Variants in WAC observed in about 807,000 individuals in gnomAD.
WAC encodes WW domain containing adaptor with coiled-coil.
Under a neutral mutation model 79.6 loss-of-function variants are expected in WAC, and 11 were observed. The observed-to-expected ratio is 0.14, with a 90% CI of 0.09 to 0.23. The LOEUF is 0.23. Ranked by LOEUF, WAC falls within the 10% of genes least tolerant of loss-of-function variation. The probability of loss-of-function intolerance (pLI) is 1.00; values close to 1 mark genes in which losing one functional copy is unlikely to be tolerated. For missense variants in WAC, 728 were observed against 773.5 expected (o/e 0.94, Z 0.70); for synonymous variants, 304 against 276.9 (o/e 1.10, Z -0.97).
intron 7 of WAC, among the ~76,000 whole-genome samples, chr10:28,599,523 A>G (rs542194419): frequency 1.1e-4 from 17 of 152,206 alleles, no homozygotes; most frequent in Non-Finnish European, 1.5e-5. Flanking sequence ...TTTGTTGTAG[A>G]TGGATGCTAC....
At chr10:28,612,037 T>A in intron 10 of WAC, 115 bp downstream of exon 10, 1 of 1,281,346 alleles carries the variant, frequency 7.8e-7, no homozygotes, top group Non-Finnish European at 1.1e-6. Flanking sequence ...AGTGGTGGAA[T>A]GAATGACAGG....
chr10:28,533,758 C>T, intron 1 of WAC, 138 bp downstream of exon 1: 9 of 1,073,576 alleles, frequency 8.4e-6, no homozygotes, highest in African/African-American at 1.7e-5. Context: ...GGAGGAGCGG[C>T]CGCGCGGGCG....
intron 3 of WAC, among the ~76,000 whole-genome samples, chr10:28,557,669 G>A (rs1220961089): frequency 6.6e-6 from 1 of 152,116 alleles, no homozygotes; most frequent in East Asian, 1.9e-4. Context: ...ACTCCAGCCT[G>A]GGAGACAGAA....
chr10:28,545,656 G>A (rs533358237), intron 3 of WAC, among the ~76,000 whole-genome samples: 1 of 152,306 alleles, frequency 6.6e-6, no homozygotes, highest in Non-Finnish European at 1.5e-5. Context: ...GGCAAATTGT[G>A]TAATGTGTTC....
chr10:28,583,085 T>C (rs1839622854), intron 3 of WAC, among the ~76,000 whole-genome samples: 1 of 152,124 alleles, frequency 6.6e-6, no homozygotes, highest in African/African-American at 2.4e-5. Context: ...TTTTGTCCAG[T>C]AAAACTTTAA....
chr10:28,551,784 T>TTTGTGTGTGTGTG (rs3222049), intron 3 of WAC, among the ~76,000 whole-genome samples: 4 of 124,814 alleles, frequency 3.2e-5, no homozygotes, highest in Admixed American at 9.1e-5. Context: ...TCCTGTCTAC[T>TTTGTGTGTGTGTG]TGTGTGTGTG....
chr10:28,583,552 CAAAAA>C, intron 4 of WAC, 47 bp downstream of exon 4: 20 of 827,352 alleles, frequency 2.4e-5, no homozygotes, highest in South Asian at 1.2e-4. Context: ...GAATTTTTTG[CAAAAA>C]AAAAAAAAAA....
intron 7 of WAC, among the ~76,000 whole-genome samples, chr10:28,599,729 A>G (rs778812542): frequency 1.3e-5 from 2 of 152,232 alleles, no homozygotes; most frequent in Non-Finnish European, 2.9e-5. Context: ...CTGCATGAGT[A>G]GTCAGAACGG....
At chr10:28,561,277 A>G (rs1022533973) in intron 3 of WAC, among the ~76,000 whole-genome samples, 1 of 152,218 alleles carries the variant, frequency 6.6e-6, no homozygotes, top group Non-Finnish European at 1.5e-5. Flanking sequence ...AGCTCTCCAG[A>G]ACTGGGTACT....
chr10:28,542,425 G>A (rs1271660067), intron 3 of WAC, among the ~76,000 whole-genome samples: 5 of 152,220 alleles, frequency 3.3e-5, no homozygotes, highest in Non-Finnish European at 7.3e-5. Flanking sequence ...TAGGAGCACA[G>A]TAACCAAAAA....
chr10:28,556,184 G>T (rs971868718), intron 3 of WAC, among the ~76,000 whole-genome samples: 7 of 151,912 alleles, frequency 4.6e-5, no homozygotes, highest in Non-Finnish European at 1.0e-4. Context: ...TCCACCAATA[G>T]TGTACAAAGG....
chr10:28,594,620 T>A (rs1163101561), intron 6 of WAC, among the ~76,000 whole-genome samples: 1 of 152,202 alleles, frequency 6.6e-6, no homozygotes, highest in East Asian at 1.9e-4. Context: ...AGTGGTTGTG[T>A]ACTGACAGCT....
rs1840351989 is a variant in WAC, at chr10:28,596,139, T to C, written c.919+98T>C. On this transcript the variant is annotated intron_variant, in intron 7 of 13. Coordinates refer to ENST00000354911, the MANE Select transcript of WAC (RefSeq NM_016628.5). ...CATTATTTCCTTTGGCTCTGAATTA[T>C]AAATTTTTAAAAAAGTCTTTTAGAA... is the stretch of plus-strand genomic sequence containing the variant. The C allele has an allele frequency of 6.2e-6, 8 of 1,293,050 alleles. No individual in the cohort carries two copies. The Admixed American group carries it at 8.1e-5, about 13-fold the overall frequency. 80.1% of individuals were successfully genotyped at this position (1,293,050 alleles called of 1,614,324 possible).
intron 6 of WAC, among the ~76,000 whole-genome samples, chr10:28,593,618 A>C (rs965876575): frequency 3.3e-5 from 5 of 151,934 alleles, no homozygotes; most frequent in Non-Finnish European, 7.4e-5. Flanking sequence ...AAATACAAAA[A>C]TAAGCTGGGC....
chr10:28,581,967 T>A (rs896419617), intron 3 of WAC, among the ~76,000 whole-genome samples: 2 of 152,224 alleles, frequency 1.3e-5, no homozygotes, highest in African/African-American at 4.8e-5. Context: ...TACAGCAAGA[T>A]GAAATCAAAA....
rs1564413468 is a variant in WAC at position 28,603,942 on chromosome 10, AATATAT to A, written c.920-4239_920-4234del. On this transcript the variant is annotated intron_variant, in intron 7 of 13. Transcript: ENST00000354911. ...GAGCAAGACTCCGTCTCAAAAAAAA[AATATAT>A]ATATGTATGTATGTATATATATATA... 4.9e-3 allele frequency among the ~76,000 whole-genome samples: 108 copies of A among 21,984 alleles called. 17 individuals are homozygous for A. The highest frequency in any genetic ancestry group is 6.7e-3 in the Non-Finnish European group (94 of 14,074). 14.4% of individuals were successfully genotyped at this position (21,984 alleles called of 152,430 possible). A position where few individuals can be genotyped will look rare whatever the true frequency, so the allele number is the denominator to read the frequency against.
chr10:28,615,143 G>A (rs944927239), intron 11 of WAC: 3 of 154,420 alleles, frequency 1.9e-5, no homozygotes, highest in African/African-American at 7.2e-5. Context: ...TATACGGATG[G>A]CTTTTTAGAT....
At chr10:28,582,275 A>G (rs746504800) in intron 3 of WAC, among the ~76,000 whole-genome samples, 1 of 152,206 alleles carries the variant, frequency 6.6e-6, no homozygotes, top group Non-Finnish European at 1.5e-5. Context: ...TCTAATAGAA[A>G]AGACTTCCAA....
At chr10:28,566,764 T>C (rs2132521146) in intron 3 of WAC, among the ~76,000 whole-genome samples, 1 of 152,368 alleles carries the variant, frequency 6.6e-6, no homozygotes, top group South Asian at 2.1e-4. Context: ...ATGCTTCTGC[T>C]GGGATGCTTT....
Sources: allele counts gnomAD v4.1 joint callset (sites outside exome capture counted in the v4.1 genomes callset), GRCh38; gene constraint gnomAD v4.1.1; transcripts MANE v1.5; gene names NCBI Gene and HGNC (gene_info 2026-07-23, HGNC 2026-07-21).